Variants in UNC5D observed in about 807,000 individuals in gnomAD.
UNC5D encodes unc-5 netrin receptor D.
UNC5D carries 39 observed loss-of-function variants against 105.4 expected under a neutral mutation model. The observed-to-expected ratio is 0.37, with a 90% CI of 0.29 to 0.48. UNC5D has a LOEUF of 0.48. Among genes scored for constraint, UNC5D ranks in the 20% least tolerant of loss-of-function variants. The pLI is 0.98. For synonymous variants in UNC5D, 452 were observed against 450.4 expected, an observed-to-expected ratio of 1.00 and a Z score of -0.04; for missense variants, 991 against 1,202.4, an observed-to-expected ratio of 0.82 and a Z score of 2.60.
At position 35,662,085 on chromosome 8, in the gene UNC5D, G is replaced by A. The variant is rs1348041486; in HGVS notation, c.571-21462G>A. Among the ~76,000 whole-genome samples the A allele has an allele frequency of 2.6e-5, 4 of 151,082 alleles. No homozygotes were observed. In the South Asian group the frequency reaches 8.4e-4, roughly 32 times the overall value. On this transcript the variant is annotated intron_variant, in intron 4 of 16. Coordinates refer to ENST00000404895, the MANE Select transcript of UNC5D (RefSeq NM_080872.4). Reference sequence around the variant, plus strand: ...GCCAGGACTAATTACTCTCATTAATGTGTATCCATTCCAGCATTTTCTCTA... The same window carrying A: ...GCCAGGACTAATTACTCTCATTAATATGTATCCATTCCAGCATTTTCTCTA...
At chr8:35,742,192 C>T (rs1370047449) in intron 11 of UNC5D, among the ~76,000 whole-genome samples, 1 of 151,600 alleles carries the variant, frequency 6.6e-6, no homozygotes, top group Non-Finnish European at 1.5e-5. Flanking sequence ...GATGTCATGT[C>T]CCTGGGACTG....
At chr8:35,650,481 T>C (rs2131177952) in intron 4 of UNC5D, among the ~76,000 whole-genome samples, 1 of 152,294 alleles carries the variant, frequency 6.6e-6, no homozygotes, top group East Asian at 1.9e-4. Flanking sequence ...GTTTCTATTT[T>C]TGTTTTTTTG....
chr8:35,469,145 G>T (rs1257233850), intron 1 of UNC5D, among the ~76,000 whole-genome samples: 1 of 152,088 alleles, frequency 6.6e-6, no homozygotes, highest in Non-Finnish European at 1.5e-5. Flanking sequence ...TTTTATGAAC[G>T]GCATTCATTT....
chr8:35,262,216 A>G (rs1804544785), intron 1 of UNC5D, among the ~76,000 whole-genome samples: 1 of 152,196 alleles, frequency 6.6e-6, no homozygotes, highest in Non-Finnish European at 1.5e-5. Context: ...AACTTTAGGG[A>G]ATTAAAATGA....
Position 35,686,633 on chromosome 8 carries a change from C to G in UNC5D, c.1008C>G (p.Pro336=), listed in dbSNP as rs745681387. The stretch of plus-strand genomic sequence containing the variant: ...GGATCCGGGAGTGCACAGCACCACC[C>G]CCGAGAAATGGGGGCAAATTCTGTG... ...HLRIRECTAP[P]PRNGGKFCEG... The change falls in exon 7 of 17, where the codon CCC becomes CCG. Residue 336 remains proline (P), a synonymous_variant. Coordinates refer to ENST00000404895, the MANE Select transcript of UNC5D (RefSeq NM_080872.4). 1.2e-6 allele frequency: 2 copies of G among 1,605,034 alleles called. No homozygotes were observed. Among genetic ancestry groups the G allele is most frequent in the African/African-American group, 1.4e-5 (1 of 73,994 alleles).
At chr8:35,515,107 T>C in intron 1 of UNC5D, among the ~76,000 whole-genome samples, 1 of 152,206 alleles carries the variant, frequency 6.6e-6, no homozygotes, top group South Asian at 2.1e-4. Context: ...CTCACATAGT[T>C]CTGAACCTGC....
At chr8:35,708,733 G>C (rs2131468130) in intron 8 of UNC5D, among the ~76,000 whole-genome samples, 1 of 152,238 alleles carries the variant, frequency 6.6e-6, no homozygotes, top group South Asian at 2.1e-4. Flanking sequence ...ATACTATACA[G>C]TCTCTCTTCA....
At chr8:35,322,437 T>A (rs929365361) in intron 1 of UNC5D, among the ~76,000 whole-genome samples, 3 of 151,876 alleles carry the variant, frequency 2.0e-5, no homozygotes, top group African/African-American at 7.3e-5. Flanking sequence ...TTTTACAAAC[T>A]CACCTTTTTA....
At chr8:35,681,127 A>G (rs185486211) in intron 4 of UNC5D, among the ~76,000 whole-genome samples, 188 of 152,334 alleles carry the variant, frequency 1.2e-3, no homozygotes, top group Middle Eastern at 3.4e-3. Context: ...AGGCAAGAAT[A>G]GAAGCCACAG....
At chr8:35,641,148 C>A (rs1156459100) in intron 4 of UNC5D, among the ~76,000 whole-genome samples, 1 of 151,942 alleles carries the variant, frequency 6.6e-6, no homozygotes, top group African/African-American at 2.4e-5. Flanking sequence ...ACAAGGATCT[C>A]ACATTTCTGG....
rs1803065215 is a variant in UNC5D, at chr8:35,791,977, T to C, written c.*1414T>C. ...TCCTGGTAGACTAAAGGTGAACAGA[T>C]TTGCTCTTGCTCATCTTCTGGTGGA... On this transcript the variant is annotated 3_prime_UTR_variant, in exon 17 of 17. Transcript: ENST00000404895. 6.6e-6 allele frequency: 1 copy of C among 152,154 alleles called. No homozygotes were observed. Among genetic ancestry groups the C allele is most frequent in the Non-Finnish European group, 1.5e-5 (1 of 68,040 alleles). The allele number at this position is 152,154 out of a possible 1,614,324, so 9.4% of individuals were successfully genotyped here.
chr8:35,366,784 A>T (rs555820020), intron 1 of UNC5D, among the ~76,000 whole-genome samples: 1 of 152,260 alleles, frequency 6.6e-6, no homozygotes, highest in South Asian at 2.1e-4. Context: ...AGTTTAAAAA[A>T]TCAGGGTTAT....
chr8:35,551,051 G>A (rs1347104011), intron 2 of UNC5D, among the ~76,000 whole-genome samples: 1 of 152,118 alleles, frequency 6.6e-6, no homozygotes, highest in East Asian at 1.9e-4. Flanking sequence ...TAGTTTTATG[G>A]GTATTTTGGT....
Position 35,264,764 on chromosome 8 carries a change from T to C in UNC5D, c.103+28877T>C, listed in dbSNP as rs1014367751. Among the ~76,000 whole-genome samples, 33 of 147,042 alleles carry C rather than the reference T, an allele frequency of 2.2e-4. 1 individual carries two copies. Among genetic ancestry groups the C allele is most frequent in the Admixed American group, 2.0e-4 (3 of 14,854 alleles). ...AAAAAAAAAAAAAAAGAGTAAAAGGTGTTAAGCTTTTTTTATATATAAAGT... is the reference window on the plus strand; with the variant it reads ...AAAAAAAAAAAAAAAGAGTAAAAGGCGTTAAGCTTTTTTTATATATAAAGT... On this transcript the variant is annotated intron_variant, in intron 1 of 16. Coordinates refer to ENST00000404895, the MANE Select transcript of UNC5D (RefSeq NM_080872.4).
intron 1 of UNC5D, among the ~76,000 whole-genome samples, chr8:35,246,007 C>T (rs572576998): frequency 6.6e-6 from 1 of 152,140 alleles, no homozygotes; most frequent in African/African-American, 2.4e-5. Flanking sequence ...CCCCTATGCT[C>T]GGTCTTTTCT....
intron 1 of UNC5D, among the ~76,000 whole-genome samples, chr8:35,463,861 T>C (rs1236986815): frequency 6.6e-6 from 1 of 151,932 alleles, no homozygotes; most frequent in Non-Finnish European, 1.5e-5. Context: ...TGTAGAGTAG[T>C]GCCTGGATAT....
intron 1 of UNC5D, among the ~76,000 whole-genome samples, chr8:35,418,778 C>T (rs1467946058): frequency 6.6e-6 from 1 of 152,160 alleles, no homozygotes; most frequent in Non-Finnish European, 1.5e-5. Context: ...GCATTCAACT[C>T]GTTCCTCTGT....
intron 4 of UNC5D, among the ~76,000 whole-genome samples, chr8:35,600,837 C>A (rs1358453190): frequency 1.3e-5 from 2 of 152,108 alleles, no homozygotes; most frequent in Admixed American, 6.6e-5. Context: ...TCTTTTGTTG[C>A]CATTGCTTTT....
chr8:35,370,206 A>G (rs1802350375), intron 1 of UNC5D, among the ~76,000 whole-genome samples: 1 of 152,206 alleles, frequency 6.6e-6, no homozygotes, highest in African/African-American at 2.4e-5. Context: ...ACCATGAGTT[A>G]ACCATGGCTA....
Sources: allele counts gnomAD v4.1 joint callset (sites outside exome capture counted in the v4.1 genomes callset), GRCh38; gene constraint gnomAD v4.1.1; transcripts MANE v1.5; gene names NCBI Gene and HGNC (gene_info 2026-07-23, HGNC 2026-07-21).